NCKAP5: variants seen among roughly 807,000 people sequenced by gnomAD.
NCKAP5 encodes the protein nck-associated protein 5.
Under a neutral mutation model 167.0 loss-of-function variants are expected in NCKAP5, and 92 were observed. That is an observed-to-expected ratio of 0.55 (90% CI 0.47 to 0.66). The LOEUF is 0.66. Ranked by LOEUF, NCKAP5 falls within the 30% of genes least tolerant of loss-of-function variation. The pLI is 0.00. For synonymous variants in NCKAP5, 891 were observed against 877.4 expected, an observed-to-expected ratio of 1.02 and a Z score of -0.27; for missense variants, 2,378 against 2,315.0, an observed-to-expected ratio of 1.03 and a Z score of -0.56.
At chr2:133,637,634 T>G in the NCKAP5 span, among the ~76,000 whole-genome samples, 1 of 126,732 alleles carries the variant, frequency 7.9e-6, no homozygotes, top group East Asian at 2.0e-4. Flanking sequence ...AAAAAGCAAA[T>G]TGGACAGACT....
chr2:132,878,796 G>C, intron 9 of NCKAP5, 52 bp downstream of exon 9: 3 of 1,352,038 alleles, frequency 2.2e-6, no homozygotes, highest in Non-Finnish European at 3.2e-6. Flanking sequence ...ATCAGATTAA[G>C]GGAATCCCAA....
intron 3 of NCKAP5, among the ~76,000 whole-genome samples, chr2:133,368,474 A>C (rs2150899804): frequency 6.6e-6 from 1 of 152,308 alleles, no homozygotes; most frequent in Admixed American, 6.5e-5. Context: ...AAAAAAGAAA[A>C]ACAGAACTCT....
intron 5 of NCKAP5, among the ~76,000 whole-genome samples, chr2:133,205,176 C>T (rs1317104941): frequency 6.6e-6 from 1 of 152,014 alleles, no homozygotes; most frequent in African/African-American, 2.4e-5. Flanking sequence ...GCCTTTAGTT[C>T]CAGCTACTTG....
chr2:132,851,476 C>T lies in NCKAP5; in HGVS notation c.807+9016G>A, dbSNP rs566173490. On this transcript the variant is annotated intron_variant, in intron 11 of 19. Coordinates refer to ENST00000409261, the MANE Select transcript of NCKAP5 (RefSeq NM_207363.3). Reference sequence around the variant, plus strand: ...CTGTGAGCCCAGTCCCAGTGTATTTCTGAGCAGCTGCAGCAGGCCAGGCAC... The same window carrying T: ...CTGTGAGCCCAGTCCCAGTGTATTTTTGAGCAGCTGCAGCAGGCCAGGCAC... Among the ~76,000 whole-genome samples, 9 of 152,312 alleles carry T rather than the reference C, an allele frequency of 5.9e-5. No homozygotes were observed. In the South Asian group the frequency reaches 1.7e-3, roughly 28 times the overall value.
the NCKAP5 span, among the ~76,000 whole-genome samples, chr2:133,658,342 G>A: frequency 5.9e-5 from 9 of 152,166 alleles, no homozygotes; most frequent in African/African-American, 1.9e-4. Flanking sequence ...AAGTAGTGGT[G>A]TGTAAAATAC....
At position 132,783,663 on chromosome 2, in the gene NCKAP5, G is replaced by C. The variant is rs761369446; in HGVS notation, c.3148C>G (p.Pro1050Ala). ...TGTGGGGTCCCAAGTGTTTGGCGAG[G>C]AGAGGTTTTGGGGACACCTCTCTTC... is the stretch of plus-strand genomic sequence containing the variant. ...SPKRGVPKTS[P>A]RQTLGTPQRD... Residue 1050 changes from proline to alanine, a missense_variant, in exon 14 of 20, where the codon CCT becomes GCT. Physicochemically the swap from Pro to Ala is conservative, Grantham distance 27. Around this residue, in one of 3 missense-constraint regions of NCKAP5, gnomAD observed 1,325 missense variants for 1,274.5 expected, o/e 1.04. Transcript: ENST00000409261. 28 of 1,613,840 alleles carry C rather than the reference G, an allele frequency of 1.7e-5. No individual in the cohort carries two copies. Among genetic ancestry groups the C allele is most frequent in the Admixed American group, 3.3e-5 (2 of 60,004 alleles).
intron 6 of NCKAP5, among the ~76,000 whole-genome samples, chr2:133,103,290 G>C (rs1260329272): frequency 6.6e-6 from 1 of 152,146 alleles, no homozygotes; most frequent in Non-Finnish European, 1.5e-5. Context: ...TAGGGCAGTG[G>C]TTAAGAATGA....
chr2:133,403,626 G>A (rs373160316), intron 3 of NCKAP5, among the ~76,000 whole-genome samples: 31 of 152,224 alleles, frequency 2.0e-4, no homozygotes, highest in African/African-American at 4.3e-4. Flanking sequence ...CTTTAACGGC[G>A]GATGGTGCAA....
intron 16 of NCKAP5, among the ~76,000 whole-genome samples, chr2:132,770,184 A>C (rs898468400): frequency 2.0e-5 from 3 of 152,098 alleles, no homozygotes; most frequent in Admixed American, 1.3e-4. Context: ...TTAACTATGG[A>C]TAAAACTTTG....
chr2:133,353,641 G>A (rs900876558), intron 3 of NCKAP5, among the ~76,000 whole-genome samples: 6 of 152,116 alleles, frequency 3.9e-5, no homozygotes, highest in Admixed American at 1.3e-4. Context: ...CACATAAACT[G>A]CAAACCCCAG....
chr2:133,538,894 C>G (rs1196614812), intron 2 of NCKAP5, among the ~76,000 whole-genome samples: 1 of 141,054 alleles, frequency 7.1e-6, no homozygotes, highest in Non-Finnish European at 1.5e-5. Flanking sequence ...TGAGATGTAC[C>G]TAGTTTTTTT....
chr2:133,138,662 T>C (rs1361643003), intron 5 of NCKAP5, among the ~76,000 whole-genome samples: 1 of 152,158 alleles, frequency 6.6e-6, no homozygotes, highest in East Asian at 1.9e-4. Context: ...ACTTCTAAAC[T>C]GCTGTAGTAA....
chr2:133,336,931 AC>A (rs1410952048), intron 3 of NCKAP5, among the ~76,000 whole-genome samples: 5 of 152,138 alleles, frequency 3.3e-5, no homozygotes, highest in Middle Eastern at 3.4e-3. Flanking sequence ...AAATACTGTC[AC>A]CCTGTTTTGC....
At chr2:132,684,975 C>T (rs1279633152) in intron 19 of NCKAP5, among the ~76,000 whole-genome samples, 1 of 152,180 alleles carries the variant, frequency 6.6e-6, no homozygotes, top group Non-Finnish European at 1.5e-5. Context: ...AACAGGCGGA[C>T]TGCCTTGACC....
chr2:133,113,871 T>TG (rs2081993931), intron 6 of NCKAP5, among the ~76,000 whole-genome samples: 1 of 152,128 alleles, frequency 6.6e-6, no homozygotes. Flanking sequence ...ACCAAACCAC[T>TG]GGGCTGCAAG....
At chr2:133,443,604 G>A (rs747763724) in intron 3 of NCKAP5, among the ~76,000 whole-genome samples, 6 of 152,076 alleles carry the variant, frequency 3.9e-5, no homozygotes, top group Non-Finnish European at 5.9e-5. Context: ...TGAGCTGCCC[G>A]CAGCCGTCTC....
At chr2:133,526,769 A>G (rs530536839) in intron 2 of NCKAP5, among the ~76,000 whole-genome samples, 4 of 152,274 alleles carry the variant, frequency 2.6e-5, no homozygotes, top group South Asian at 4.1e-4. Context: ...TTTATAATAC[A>G]TTACATAAAA....
At chr2:133,068,185 C>A (rs2080264277) in intron 6 of NCKAP5, among the ~76,000 whole-genome samples, 1 of 152,128 alleles carries the variant, frequency 6.6e-6, no homozygotes, top group African/African-American at 2.4e-5. Flanking sequence ...AAGCTTAATG[C>A]TGATGGTGGG....
intron 16 of NCKAP5, among the ~76,000 whole-genome samples, chr2:132,769,735 C>T (rs1681856859): frequency 1.3e-5 from 2 of 152,180 alleles, no homozygotes; most frequent in South Asian, 4.1e-4. Flanking sequence ...GCATCCTTTG[C>T]AGCTAGGATT....
Sources: allele counts gnomAD v4.1 joint callset (sites outside exome capture counted in the v4.1 genomes callset), GRCh38; gene constraint gnomAD v4.1.1; regional missense constraint gnomAD v4.1.1; transcripts MANE v1.5; gene names NCBI Gene and HGNC (gene_info 2026-07-23, HGNC 2026-07-21).